The following NHS variants were observed in gnomAD, a reference collection of about 807,000 sequenced individuals.
NHS encodes NHS actin remodeling regulator.
Under a neutral mutation model 72.5 loss-of-function variants are expected in NHS, and 5 were observed. The observed-to-expected ratio is 0.07, with a 90% CI of 0.04 to 0.14. NHS has a LOEUF of 0.14. Among genes scored for constraint, NHS ranks in the 10% least tolerant of loss-of-function variants. The pLI is 1.00. For missense variants in NHS, 1,072 were observed against 1,355.7 expected (o/e 0.79, Z 3.29); for synonymous variants, 464 against 547.7 (o/e 0.85, Z 2.13).
intron 5 of NHS, among the ~76,000 whole-genome samples, chrX:17,723,436 A>G (rs972552385): frequency 1.8e-4 from 20 of 111,718 alleles, no homozygotes; most frequent in Non-Finnish European, 1.9e-5. Context: ...TAATGTTGAT[A>G]ATGTGATTAT....
At chrX:17,712,286 T>TAC (rs1218295851) in intron 3 of NHS, among the ~76,000 whole-genome samples, 13 of 78,400 alleles carry the variant, frequency 1.7e-4, no homozygotes, top group Non-Finnish European at 2.8e-4. Flanking sequence ...TATATATATA[T>TAC]ATATACACAC....
chrX:17,594,896 A>G (rs2065618536), intron 1 of NHS, among the ~76,000 whole-genome samples: 1 of 112,467 alleles, frequency 8.9e-6, no homozygotes. Context: ...CTTTTGTACC[A>G]TGCTATCAGC....
At chrX:17,728,887 T>C in intron 8 of NHS, 112 bp downstream of exon 8, 2 of 992,431 alleles carry the variant, frequency 2.0e-6, no homozygotes, top group South Asian at 2.0e-5. Flanking sequence ...TTGTAATACA[T>C]TCAGCAAAAA....
intron 1 of NHS, among the ~76,000 whole-genome samples, chrX:17,540,211 A>G (rs897790556): frequency 9.0e-6 from 1 of 111,714 alleles, no homozygotes; most frequent in African/African-American, 3.3e-5. Flanking sequence ...ACTTTAACTT[A>G]TGACTTCCAC....
chrX:17,564,018 A>G (rs2065428955), intron 1 of NHS, among the ~76,000 whole-genome samples: 1 of 112,200 alleles, frequency 8.9e-6, no homozygotes, highest in African/African-American at 3.2e-5. Context: ...TAACCTGGCC[A>G]TTTATATACA....
intron 1 of NHS, chrX:17,686,751 G>C (rs991671102): frequency 1.8e-5 from 2 of 111,811 alleles, no homozygotes; most frequent in African/African-American, 6.5e-5. Context: ...ACTGGGAGGT[G>C]GGGGGAGCAG....
chrX:17,432,280 A>T (rs1219551814), intron 1 of NHS, among the ~76,000 whole-genome samples: 4 of 112,630 alleles, frequency 3.6e-5, no homozygotes, highest in Admixed American at 9.4e-5. Flanking sequence ...GTTTGTTGTT[A>T]TTCTTATCCT....
intron 1 of NHS, among the ~76,000 whole-genome samples, chrX:17,565,335 C>G (rs982168481): frequency 3.6e-5 from 4 of 112,060 alleles, no homozygotes; most frequent in African/African-American, 1.3e-4. Flanking sequence ...CAAATCCAGT[C>G]AAATGAGTGA....
intron 1 of NHS, among the ~76,000 whole-genome samples, chrX:17,671,814 A>AAAG (rs1352934194): frequency 2.7e-5 from 3 of 112,049 alleles, no homozygotes; most frequent in Non-Finnish European, 5.6e-5. Context: ...TAAAAGAGGA[A>AAAG]AAGATGAAAA....
rs2065794074 is a variant in NHS, at chrX:17,625,546, C to T, written c.566-62196C>T. Reference sequence around the variant, plus strand: ...CACCATGAATTAATTTGCTTCTTAGCTGATTAAAAACCCATATGTTCTTCT... The same window carrying T: ...CACCATGAATTAATTTGCTTCTTAGTTGATTAAAAACCCATATGTTCTTCT... On this transcript the variant is annotated intron_variant, in intron 1 of 8. Coordinates refer to ENST00000676302, the MANE Select transcript of NHS (RefSeq NM_001291867.2). 2.7e-5 allele frequency among the ~76,000 whole-genome samples: 3 copies of T among 112,021 alleles called. No homozygotes were observed. In the South Asian group the frequency reaches 1.1e-3, roughly 41 times the overall value.
chrX:17,376,411 G>C (rs948961583), intron 1 of NHS, 89 bp downstream of exon 1: 5 of 866,342 alleles, frequency 5.8e-6, no homozygotes, highest in Non-Finnish European at 8.1e-6. Flanking sequence ...CCAGCCCCGC[G>C]GCGCCGCTCC....
rs753442547 is a variant in NHS at position 17,461,125 on chromosome X, TG to T, written c.565+84805del. Among the ~76,000 whole-genome samples the T allele has an allele frequency of 7.1e-3, 803 of 112,397 alleles. 8 individuals are homozygous for T. Among genetic ancestry groups the T allele is most frequent in the African/African-American group, 0.025 (764 of 30,941 alleles). On this transcript the variant is annotated intron_variant, in intron 1 of 8. Transcript: ENST00000676302. ...CCTTCAAGGAATGTAGCATTTTATT[TG>T]GTAGAGAAGACTCAGATCCACGTGA...
chrX:17,552,394 T>C (rs989240918), intron 1 of NHS: 1 of 111,752 alleles, frequency 8.9e-6, no homozygotes, highest in Non-Finnish European at 1.9e-5. Flanking sequence ...GAGCACAAGG[T>C]CTAGAGATAG....
intron 1 of NHS, among the ~76,000 whole-genome samples, chrX:17,481,835 G>A (rs948773425): frequency 4.5e-5 from 5 of 111,615 alleles, no homozygotes; most frequent in African/African-American, 1.6e-4. Context: ...TGTCACCATA[G>A]ATTAATTTTT....
chrX:17,719,497 T>A (rs1297550220), intron 4 of NHS, 91 bp downstream of exon 4: 1 of 704,227 alleles, frequency 1.4e-6, no homozygotes, highest in Non-Finnish European at 2.0e-6. Context: ...ATGGAAAACT[T>A]TCTTGTTTCT....
rs1463558287 is a variant in NHS at position 17,561,572 on chromosome X, GCGCACACACA to G, written c.566-126168_566-126159del. 1.5e-4 allele frequency among the ~76,000 whole-genome samples: 9 copies of G among 60,244 alleles called. 1 individual carries two copies. In the South Asian group the frequency reaches 4.8e-3, roughly 32 times the overall value. The allele number at this position is 60,244 out of a possible 115,157, so 52.3% of individuals were successfully genotyped here. A position where few individuals can be genotyped will look rare whatever the true frequency, so the allele number is the denominator to read the frequency against. On this transcript the variant is annotated intron_variant, in intron 1 of 8. Coordinates refer to ENST00000676302, the MANE Select transcript of NHS (RefSeq NM_001291867.2). ...TGCAAGTGCATGCGCGCGCGCGCGC[GCGCACACACA>G]CACACACACACACACACACACACAC...
chrX:17,652,228 G>T (rs1355820046), intron 1 of NHS, among the ~76,000 whole-genome samples: 1 of 112,614 alleles, frequency 8.9e-6, no homozygotes, highest in Non-Finnish European at 1.9e-5. Flanking sequence ...AAAATTGTCT[G>T]TGAGACCTGG....
chrX:17,645,497 G>T (rs1374039595), intron 1 of NHS, among the ~76,000 whole-genome samples: 1 of 111,598 alleles, frequency 9.0e-6, no homozygotes, highest in Non-Finnish European at 1.9e-5. Context: ...ACAGCTTACT[G>T]CCCGAAGCCT....
Position 17,536,256 on chromosome X carries a change from G to A in NHS, c.566-151486G>A, listed in dbSNP as rs182606867. On this transcript the variant is annotated intron_variant, in intron 1 of 8. Coordinates refer to ENST00000676302, the MANE Select transcript of NHS (RefSeq NM_001291867.2). ...TGTAGTCCCAGCTACTCAGGAGGCT[G>A]AGGCAGGAGAATGGTGGGAACCTGG... Among the ~76,000 whole-genome samples, 197 of 112,501 alleles carry A rather than the reference G, an allele frequency of 1.8e-3. 1 individual carries two copies. The highest frequency in any genetic ancestry group is 6.1e-3 in the African/African-American group (189 of 30,921).
Sources: gnomAD v4.1 joint callset for allele counts (sites outside exome capture counted in the v4.1 genomes callset) on GRCh38, gnomAD v4.1.1 for gene constraint, MANE v1.5 for transcripts, NCBI Gene and HGNC (gene_info 2026-07-23, HGNC 2026-07-21) for gene names.